ARMC9: variants seen among roughly 807,000 people sequenced by gnomAD.
ARMC9 encodes the protein lisH domain-containing protein ARMC9.
A neutral mutation model predicts 107.0 loss-of-function variants in ARMC9; 94 were observed. The observed-to-expected ratio is 0.88, with a 90% confidence interval of 0.74 to 1.04. The LOEUF is 1.04. Among genes scored for constraint, ARMC9 ranks in the 50% least tolerant of loss-of-function variants. ARMC9 has a pLI of 0.00. For synonymous variants in ARMC9, 380 were observed against 396.9 expected (o/e 0.96, Z 0.51); for missense variants, 942 against 1,030.1 (o/e 0.91, Z 1.17).
chr2:231,321,882 T>C (rs1165252789), intron 19 of ARMC9, among the ~76,000 whole-genome samples: 2 of 152,154 alleles, frequency 1.3e-5, no homozygotes, highest in Non-Finnish European at 2.9e-5. Context: ...TCTTATTGGG[T>C]GTATTAAATA....
chr2:231,229,176 A>G (rs1282914885), intron 7 of ARMC9, among the ~76,000 whole-genome samples: 1 of 152,028 alleles, frequency 6.6e-6, no homozygotes, highest in Non-Finnish European at 1.5e-5. Context: ...TGGTGTTGCT[A>G]TGGAGATTGG....
At chr2:231,214,025 A>G (rs1448736997) in intron 3 of ARMC9, among the ~76,000 whole-genome samples, 1 of 152,234 alleles carries the variant, frequency 6.6e-6, no homozygotes, top group East Asian at 1.9e-4. Flanking sequence ...TGCCACAGAT[A>G]TTTGTGACAG....
chr2:231,283,961 C>T (rs1431444966), intron 17 of ARMC9, among the ~76,000 whole-genome samples: 1 of 152,120 alleles, frequency 6.6e-6, no homozygotes, highest in African/African-American at 2.4e-5. Context: ...ACTAGGCTCA[C>T]GTGATCCTCC....
chr2:231,199,375 T>C (rs1395574221), intron 1 of ARMC9, among the ~76,000 whole-genome samples: 1 of 152,212 alleles, frequency 6.6e-6, no homozygotes, highest in Admixed American at 6.5e-5. Context: ...CGGTGTTCAG[T>C]AAGACCAGGG....
At chr2:231,302,120 C>T (rs1446511228) in intron 19 of ARMC9, among the ~76,000 whole-genome samples, 1 of 151,910 alleles carries the variant, frequency 6.6e-6, no homozygotes, top group Non-Finnish European at 1.5e-5. Flanking sequence ...AAGTTGTAGT[C>T]ATTAAATATG....
At chr2:231,217,412 C>T (rs900823906) in intron 5 of ARMC9, among the ~76,000 whole-genome samples, 18 of 151,974 alleles carry the variant, frequency 1.2e-4, no homozygotes, top group South Asian at 2.1e-4. Flanking sequence ...GGGGAGACCC[C>T]GTCTCTACTA....
chr2:231,312,115 T>C (rs2042386940), intron 19 of ARMC9, among the ~76,000 whole-genome samples: 1 of 152,218 alleles, frequency 6.6e-6, no homozygotes, highest in Non-Finnish European at 1.5e-5. Context: ...GTGGGTTGGC[T>C]TGGCAGGTCC....
intron 24 of ARMC9, 56 bp downstream of exon 24, chr2:231,370,181 G>A (rs1559512359): frequency 1.4e-6 from 2 of 1,453,176 alleles, no homozygotes; most frequent in East Asian, 5.2e-5. Flanking sequence ...CAACCTGCAG[G>A]GAAGGGCATT....
chr2:231,250,181 G>A (rs1441851813), intron 9 of ARMC9, among the ~76,000 whole-genome samples: 1 of 152,190 alleles, frequency 6.6e-6, no homozygotes, highest in East Asian at 1.9e-4. Flanking sequence ...CGTAGCAGGT[G>A]GAGTCCACCC....
intron 19 of ARMC9, among the ~76,000 whole-genome samples, chr2:231,303,927 C>T (rs1329472549): frequency 6.8e-6 from 1 of 146,670 alleles, no homozygotes; most frequent in African/African-American, 2.5e-5. Flanking sequence ...CAGAGCGAGA[C>T]TCAGTCTCAA....
chr2:231,357,788 C>T lies in ARMC9; in HGVS notation c.2131+1854C>T, dbSNP rs545601420. Among the ~76,000 whole-genome samples the T allele has an allele frequency of 7.9e-5, 12 of 152,282 alleles. No individual in the cohort carries two copies. In the East Asian group the frequency reaches 1.9e-3, roughly 25 times the overall value. On this transcript the variant is annotated intron_variant, in intron 22 of 24. Coordinates refer to ENST00000611582, the MANE Select transcript of ARMC9 (RefSeq NM_001352754.2). ...GAAGTTTGCTGTTGCCTAGGCTGGT[C>T]TTGAACTCCTAGTCTCAAGTAATCC...
chr2:231,222,165 T>A (rs2125333147), intron 5 of ARMC9, among the ~76,000 whole-genome samples: 1 of 152,346 alleles, frequency 6.6e-6, no homozygotes, highest in Non-Finnish European at 1.5e-5. Context: ...GTCATTAATT[T>A]TTTCTTCTTG....
At chr2:231,369,849 C>G (rs1475835331) in intron 23 of ARMC9, 104 bp from the exon 24 acceptor site, 5 of 1,208,210 alleles carry the variant, frequency 4.1e-6, no homozygotes, top group Non-Finnish European at 5.3e-6. Flanking sequence ...CCGCCTTGGC[C>G]TCTCAGAGTG....
rs1211499571 is a variant in ARMC9 at position 231,360,785 on chromosome 2, C to T, written c.2163C>T (p.Leu721=). The T allele has an allele frequency of 1.3e-6, 2 of 1,536,172 alleles. No homozygotes were observed. The highest frequency in any genetic ancestry group is 3.9e-5 in the Admixed American group (2 of 51,004). The change falls in exon 23 of 25, where the codon CTC becomes CTT. Residue 721 remains leucine, a synonymous_variant. Transcript: ENST00000611582. The surrounding 1 kb of genome is among the most constrained non-coding windows in gnomAD (Gnocchi z 4.7). ...TCATCGCCAAGCCAGGAGAGTGGCT[C>T]CCAAGAGGACGCCAGGAAGAGCCTC... ...SAIIAKPGEW[L]PRGRQEEPRP...
At chr2:231,233,907 G>A (rs2035477455) in intron 7 of ARMC9, among the ~76,000 whole-genome samples, 1 of 152,152 alleles carries the variant, frequency 6.6e-6, no homozygotes, top group Non-Finnish European at 1.5e-5. Context: ...TGCTAGGCAT[G>A]TTGAGTGTCT....
In ARMC9 at chr2:231,268,360, C is replaced by A. The variant is rs114368463; in HGVS notation, c.1120-2622C>A. Among the ~76,000 whole-genome samples the A allele has an allele frequency of 1.7e-3, 264 of 151,772 alleles. 1 individual carries two copies. Among genetic ancestry groups the A allele is most frequent in the African/African-American group, 6.1e-3 (253 of 41,348 alleles). On this transcript the variant is annotated intron_variant, in intron 12 of 24. Transcript: ENST00000611582. ...ATGCTATACTTCAGCAAAAAATCAA[C>A]CTAAATGGGTGTAATGGTAATAGGC...
At chr2:231,337,186 T>C (rs1157598021) in intron 20 of ARMC9, among the ~76,000 whole-genome samples, 2 of 151,310 alleles carry the variant, frequency 1.3e-5, no homozygotes, top group Non-Finnish European at 2.9e-5. Flanking sequence ...ATTCCTGCCC[T>C]GTGTGACTGT....
chr2:231,330,020 T>C (rs2043613966), intron 19 of ARMC9, among the ~76,000 whole-genome samples: 1 of 152,184 alleles, frequency 6.6e-6, no homozygotes, highest in Non-Finnish European at 1.5e-5. Flanking sequence ...TCCTTTCTCA[T>C]TGAATTTCTT....
chr2:231,222,368 T>C (rs2125333462), intron 5 of ARMC9, among the ~76,000 whole-genome samples: 1 of 152,324 alleles, frequency 6.6e-6, no homozygotes, highest in Non-Finnish European at 1.5e-5. Flanking sequence ...ATTGTTTATG[T>C]TACGCCTCCC....
Sources: gnomAD v4.1 joint callset for allele counts (sites outside exome capture counted in the v4.1 genomes callset) on GRCh38, gnomAD v4.1.1 for gene constraint, Gnocchi (gnomAD v3.1) non-coding constraint, MANE v1.5 for transcripts, NCBI Gene and HGNC (gene_info 2026-07-23, HGNC 2026-07-21) for gene names.